Variants in MAP1A observed in about 807,000 individuals in gnomAD.
MAP1A encodes microtubule-associated protein 1A.
MAP1A carries 42 observed loss-of-function variants against 185.9 expected under a neutral mutation model. That is an observed-to-expected ratio of 0.23 (90% CI 0.18 to 0.29). The LOEUF (loss-of-function observed/expected upper bound fraction) is 0.29. Among genes scored for constraint, MAP1A ranks in the 10% least tolerant of loss-of-function variants. The pLI is 1.00. For missense variants in MAP1A, 2,995 were observed against 3,450.4 expected, an observed-to-expected ratio of 0.87 and a Z score of 3.31; for synonymous variants, 1,229 against 1,335.9, an observed-to-expected ratio of 0.92 and a Z score of 1.74.
At position 43,530,283 on chromosome 15, in the gene MAP1A, C is replaced by T; in HGVS notation, c.*59C>T. On this transcript the variant is annotated 3_prime_UTR_variant, in exon 6 of 6. Transcript: ENST00000300231. Reference sequence around the variant, plus strand: ...CCCCAGCTCCTTTAGAGAATGGCTACTGCTGAGTCCTTTGGGGTTGAGGGA... The same window carrying T: ...CCCCAGCTCCTTTAGAGAATGGCTATTGCTGAGTCCTTTGGGGTTGAGGGA... The T allele has an allele frequency of 6.3e-7, 1 of 1,593,934 alleles. No homozygotes were observed. Among genetic ancestry groups the T allele is most frequent in the South Asian group, 1.1e-5 (1 of 87,470 alleles).
Position 43,523,992 on chromosome 15 carries a change from C to T in MAP1A, c.2519C>T (p.Ser840Phe). 6.2e-7 allele frequency: 1 copy of T among 1,614,102 alleles called. No homozygotes were observed. Among genetic ancestry groups the T allele is most frequent in the South Asian group, 1.1e-5 (1 of 91,078 alleles). Residue 840 changes from serine to phenylalanine, a missense_variant, in exon 4 of 6, where the codon TCC (serine) becomes TTC (phenylalanine). Coordinates refer to ENST00000300231, the MANE Select transcript of MAP1A (RefSeq NM_002373.6). ...TSITECDKLS[S>F]FATSVAEDQS... is the part of the protein sequence containing the mutation. ...ATCACTGAGTGTGACAAACTTTCTT[C>T]CTTTGCCACATCAGTGGCTGAGGAC...
upstream of MAP1A, among the ~76,000 whole-genome samples, chr15:43,517,437 C>G (rs943423430): frequency 6.6e-6 from 1 of 152,098 alleles, no homozygotes; most frequent in Admixed American, 6.5e-5. Flanking sequence ...CCTTGAGCTG[C>G]TAGACAATCC....
At position 43,527,872 on chromosome 15, in the gene MAP1A, G is replaced by A. The variant is rs2079352712; in HGVS notation, c.6399G>A (p.Met2133Ile). Residue 2133 changes from methionine (M) to isoleucine (I), a missense_variant, in exon 4 of 6, where the codon ATG becomes ATA. Coordinates refer to ENST00000300231, the MANE Select transcript of MAP1A (RefSeq NM_002373.6). ...QSPSPPHPIP[M>I]GSPTLWPETE... ...CAAGTCCTCCTCACCCCATTCCTAT[G>A]GGGTCCCCCACATTATGGCCAGAAA... is the stretch of plus-strand genomic sequence containing the variant. 6.2e-7 allele frequency: 1 copy of A among 1,614,108 alleles called. No individual in the cohort carries two copies. Among genetic ancestry groups the A allele is most frequent in the Non-Finnish European group, 8.5e-7 (1 of 1,180,000 alleles).
rs974243512 is a variant in MAP1A at position 43,522,017 on chromosome 15, A to C, written c.544A>C (p.Asn182His). The part of the protein sequence containing the change: ...QAEPLYRVVS[N>H]TIEPLTLFHK... ...TGAGCCTCTATATCGTGTGGTCAGC[A>C]ATACCATTGAGCCACTGACCCTCTT... The change falls in exon 4 of 6, where the codon AAT becomes CAT. Residue 182 changes from asparagine (N) to histidine (H), a missense_variant. Around this residue, in one of 3 missense-constraint regions of MAP1A, gnomAD observed 264 missense variants for 435.3 expected, o/e 0.61. Transcript: ENST00000300231. The surrounding 1 kb of genome is among the most constrained non-coding windows in gnomAD (Gnocchi z 5.9). The C allele has an allele frequency of 1.9e-6, 3 of 1,614,230 alleles. No homozygotes were observed. The highest frequency in any genetic ancestry group is 3.3e-4 in the Middle Eastern group (2 of 6,062).
In MAP1A at chr15:43,528,549, C is replaced by G. The variant is rs1016226251; in HGVS notation, c.7076C>G (p.Ala2359Gly). ...PFQVPSEDCAANGPTETSPNP... is the reference protein window; with the variant it reads ...PFQVPSEDCAGNGPTETSPNP... ...CAGGTTCCCTCTGAGGATTGTGCAG[C>G]CAATGGCCCAACTGAAACCAGCCCT... is the stretch of plus-strand genomic sequence containing the variant. The change falls in exon 4 of 6, where the codon GCC (alanine) becomes GGC (glycine). Residue 2359 changes from alanine (A) to glycine (G), a missense_variant. This residue lies in a region of MAP1A where 2,728 missense variants were observed against 2,986.0 expected (regional missense o/e 0.91). Transcript: ENST00000300231. 2.5e-6 allele frequency: 4 copies of G among 1,613,718 alleles called. No homozygotes were observed. Among genetic ancestry groups the G allele is most frequent in the East Asian group, 4.5e-5 (2 of 44,886 alleles).
At position 43,525,853 on chromosome 15, in the gene MAP1A, G is replaced by T. The variant is rs761548310; in HGVS notation, c.4380G>T (p.Lys1460Asn). 1 of 1,574,204 alleles carries T rather than the reference G, an allele frequency of 6.4e-7. No individual in the cohort carries two copies. The highest frequency in any genetic ancestry group is 8.6e-7 in the Non-Finnish European group (1 of 1,162,746). Residue 1460 changes from lysine (K) to asparagine (N), a missense_variant, in exon 4 of 6, where the codon AAG becomes AAT. Coordinates refer to ENST00000300231, the MANE Select transcript of MAP1A (RefSeq NM_002373.6). ...PEEKDKALEQKDTALEQKDKA... is the reference protein window; with the variant it reads ...PEEKDKALEQNDTALEQKDKA... ...AGAAAGACAAAGCCTTAGAACAAAA[G>T]GATACAGCCCTGGAACAGAAGGACA...
chr15:43,512,167 C>T (rs903645665), intron 1 of MAP1A: 7 of 1,410,358 alleles, frequency 5.0e-6, no homozygotes, highest in Non-Finnish European at 6.9e-6. Flanking sequence ...TTATCCAGAA[C>T]CTTCTTTGTT....
In MAP1A at chr15:43,527,592, G is replaced by T; in HGVS notation, c.6119G>T (p.Gly2040Val). The change falls in exon 4 of 6, where the codon GGA becomes GTA. Residue 2040 changes from glycine (G) to valine (V), a missense_variant. By Grantham distance (109) the Gly-to-Val change is moderately radical (BLOSUM62 -3). Around this residue, in one of 3 missense-constraint regions of MAP1A, gnomAD observed 2,728 missense variants for 2,986.0 expected, o/e 0.91. Transcript: ENST00000300231. ...ACCTTCAGCTATGCAGCCCTGGCAG[G>T]ACCCACTGTACCCCCAAGGCCAGAG... ...TPTFSYAALA[G>V]PTVPPRPEPG... 1 of 1,614,096 alleles carries T rather than the reference G, an allele frequency of 6.2e-7. No homozygotes were observed. Among genetic ancestry groups the T allele is most frequent in the Non-Finnish European group, 8.5e-7 (1 of 1,180,020 alleles).
At chr15:43,519,859 A>G (rs543874487) in intron 1 of MAP1A, among the ~76,000 whole-genome samples, 50 of 152,292 alleles carry the variant, frequency 3.3e-4, no homozygotes, top group African/African-American at 1.1e-3. Flanking sequence ...GAGAGAAGAA[A>G]CTGTTCACAA....
In MAP1A at chr15:43,530,081, C is replaced by T. The variant is rs1743559064; in HGVS notation, c.8269C>T (p.Pro2757Ser). 5 of 1,614,026 alleles carry T rather than the reference C, an allele frequency of 3.1e-6. No individual in the cohort carries two copies. Among genetic ancestry groups the T allele is most frequent in the Admixed American group, 1.7e-5 (1 of 60,008 alleles). The change falls in exon 6 of 6, where the codon CCT becomes TCT. Residue 2757 changes from proline to serine, a missense_variant. Coordinates refer to ENST00000300231, the MANE Select transcript of MAP1A (RefSeq NM_002373.6). ...WGENLQVTLI[P>S]THDTEVTREW... is the part of the protein sequence containing the mutation. ...ATCTCCCTTCTAGGTGACTCTGATC[C>T]CTACTCATGACACGGAGGTGACTCG...
chr15:43,523,783 A>G lies in MAP1A; in HGVS notation c.2310A>G (p.Thr770=). The stretch of plus-strand genomic sequence containing the variant: ...GCCCAGCTCCACCCAGATTTCATAC[A>G]AGTACATATGACCTGCCCGGGCCTG... ...EERPAPPRFH[T]STYDLPGPEG... is the part of the protein sequence containing the mutation. Residue 770 remains threonine, a synonymous_variant, in exon 4 of 6, where the codon ACA becomes ACG. Transcript: ENST00000300231. 6.2e-7 allele frequency: 1 copy of G among 1,614,052 alleles called. No individual in the cohort carries two copies. The highest frequency in any genetic ancestry group is 8.5e-7 in the Non-Finnish European group (1 of 1,179,998).
upstream of MAP1A, among the ~76,000 whole-genome samples, chr15:43,514,867 A>T (rs2079292587): frequency 6.6e-6 from 1 of 152,202 alleles, no homozygotes. Flanking sequence ...TTACTATTGG[A>T]TACCTATAGG....
chr15:43,512,240 T>C lies in MAP1A; in HGVS notation c.289T>C (p.Leu97=), dbSNP rs1344090783. ...GTCATCCTTTGACTTGAACCAACAGTTGAGACTCTTCATTACCCGGCACCT... is the reference window on the plus strand; with the variant it reads ...GTCATCCTTTGACTTGAACCAACAGCTGAGACTCTTCATTACCCGGCACCT... The change falls in exon 2 of 7, where the codon TTG becomes CTG. Residue 97 remains leucine, a synonymous_variant. Transcript: ENST00000382031. 7.1e-6 allele frequency: 11 copies of C among 1,550,338 alleles called. No individual in the cohort carries two copies. The South Asian group carries it at 1.1e-4, about 15-fold the overall frequency.
Position 43,524,373 on chromosome 15 carries a change from G to A in MAP1A, c.2900G>A (p.Gly967Glu), listed in dbSNP as rs770059022. 7.4e-6 allele frequency: 12 copies of A among 1,614,162 alleles called. No individual in the cohort carries two copies. The South Asian group carries it at 1.2e-4, about 16-fold the overall frequency. ...GGAACTCCAGTGTTTAGTGCCCCTG[G>A]GCATGCCCTACATCCAGGAGAACCA... ...QYGTPVFSAP[G>E]HALHPGEPAL... is the part of the protein sequence containing the mutation. The change falls in exon 4 of 6, where the codon GGG becomes GAG. Residue 967 changes from glycine to glutamate, a missense_variant. Gly to Glu is a moderately conservative substitution (Grantham distance 98). Coordinates refer to ENST00000300231, the MANE Select transcript of MAP1A (RefSeq NM_002373.6).
At chr15:43,513,808 G>C (rs1430844516), upstream of MAP1A, among the ~76,000 whole-genome samples, 1 of 152,224 alleles carries the variant, frequency 6.6e-6, no homozygotes, top group East Asian at 1.9e-4. Context: ...AAAATCGGCA[G>C]TTTTACCACT....
chr15:43,512,106 C>A, intron 1 of MAP1A: 2 of 767,242 alleles, frequency 2.6e-6, no homozygotes, highest in Non-Finnish European at 2.3e-6. Context: ...CTTACCTGTT[C>A]TGTGAACTTG....
In MAP1A at chr15:43,524,749, A is replaced by G; in HGVS notation, c.3276A>G (p.Pro1092=). 1 of 1,614,150 alleles carries G rather than the reference A, an allele frequency of 6.2e-7. No homozygotes were observed. The highest frequency in any genetic ancestry group is 8.5e-7 in the Non-Finnish European group (1 of 1,180,002). Residue 1092 remains proline (P), a synonymous_variant, in exon 4 of 6, where the codon CCA becomes CCG. Transcript: ENST00000300231. ...GLTGCTIQLL[P]AQDKAIVFEI... ...CAGGCTGTACCATTCAACTGTTGCC[A>G]GCACAGGATAAAGCAATAGTCTTTG...
At position 43,522,013 on chromosome 15, in the gene MAP1A, C is replaced by T. The variant is rs1385640120; in HGVS notation, c.540C>T (p.Val180=). 6.2e-7 allele frequency: 1 copy of T among 1,614,038 alleles called. No individual in the cohort carries two copies. Among genetic ancestry groups the T allele is most frequent in the East Asian group, 2.2e-5 (1 of 44,886 alleles). Residue 180 remains valine, a synonymous_variant, in exon 4 of 6, where the codon GTC becomes GTT. Coordinates refer to ENST00000300231, the MANE Select transcript of MAP1A (RefSeq NM_002373.6). The surrounding 1 kb of genome is among the most constrained non-coding windows in gnomAD (Gnocchi z 5.9). ...GIQAEPLYRV[V]SNTIEPLTLF... is the part of the protein sequence containing the mutation. ...AGGCTGAGCCTCTATATCGTGTGGT[C>T]AGCAATACCATTGAGCCACTGACCC...
At chr15:43,511,411 T>A (rs1176114679) in intron 1 of MAP1A, among the ~76,000 whole-genome samples, 1 of 152,204 alleles carries the variant, frequency 6.6e-6, no homozygotes, top group Non-Finnish European at 1.5e-5. Flanking sequence ...AACATCTCGC[T>A]TGCCCATCCT....
Sources: gnomAD v4.1 joint callset for allele counts (sites outside exome capture counted in the v4.1 genomes callset) on GRCh38, gnomAD v4.1.1 for gene constraint, gnomAD v4.1.1 regional missense constraint, Gnocchi (gnomAD v3.1) non-coding constraint, MANE v1.5 for transcripts, NCBI Gene and HGNC (gene_info 2026-07-23, HGNC 2026-07-21) for gene names.